The following DNAJC13 variants were observed in gnomAD, a reference collection of about 807,000 sequenced individuals.
DNAJC13 encodes DnaJ heat shock protein family (Hsp40) member C13, also known as dnaJ homolog subfamily C member 13.
In DNAJC13, 75 loss-of-function variants were observed where a neutral mutation model predicts 290.5. The ratio of observed to expected loss-of-function variants is 0.26; its 90% confidence interval spans 0.21 to 0.31. The LOEUF is 0.31. DNAJC13 is among the 10% of genes least tolerant of loss of function. The probability of loss-of-function intolerance (pLI) is 1.00; values close to 1 mark genes in which losing one functional copy is unlikely to be tolerated. For missense variants in DNAJC13, 2,260 were observed against 2,674.5 expected, an observed-to-expected ratio of 0.85 and a Z score of 3.42; for synonymous variants, 862 against 892.0, an observed-to-expected ratio of 0.97 and a Z score of 0.60.
intron 5 of DNAJC13, among the ~76,000 whole-genome samples, chr3:132,448,422 A>T (rs1446920302): frequency 6.6e-6 from 1 of 152,096 alleles, no homozygotes; most frequent in East Asian, 1.9e-4. Context: ...ACAGCTTTGG[A>T]GGAAGCTGTG....
chr3:132,488,000 A>G (rs1249779356), intron 29 of DNAJC13, among the ~76,000 whole-genome samples: 1 of 152,160 alleles, frequency 6.6e-6, no homozygotes, highest in Non-Finnish European at 1.5e-5. Context: ...CTTTTTAGGA[A>G]GATTCTTGCA....
rs570509571 is a variant in DNAJC13 at position 132,499,369 on chromosome 3, G to A, written c.4341+59G>A. The A allele has an allele frequency of 6.8e-5, 93 of 1,376,368 alleles. 3 individuals carry two copies. The South Asian group carries it at 1.3e-3, about 20-fold the overall frequency. The allele number at this position is 1,376,368 out of a possible 1,614,324, so 85.3% of individuals were successfully genotyped here. A position where few individuals can be genotyped will look rare whatever the true frequency, so the allele number is the denominator to read the frequency against. On this transcript the variant is annotated intron_variant, in intron 37 of 55. Coordinates refer to ENST00000260818, the MANE Select transcript of DNAJC13 (RefSeq NM_015268.4). ...AGTTTACACACATTATATGACTCTT[G>A]GCAGTGAAGAATTCAGCAAGTACAA...
Position 132,477,797 on chromosome 3 carries a change from T to C in DNAJC13, c.2454T>C (p.Tyr818=). The C allele has an allele frequency of 6.2e-7, 1 of 1,606,888 alleles. No individual in the cohort carries two copies. The highest frequency in any genetic ancestry group is 8.5e-7 in the Non-Finnish European group (1 of 1,177,764). Reference sequence around the variant, plus strand: ...TGCTTTTGTTTATGAAGGTTAAATATGAGTGCCTGGCAGAGGAAATTAAAA... The same window carrying C: ...TGCTTTTGTTTATGAAGGTTAAATACGAGTGCCTGGCAGAGGAAATTAAAA... ...SWNHHEFEVK[Y]ECLAEEIKIG... The change falls in exon 23 of 56, where the codon TAT becomes TAC. Residue 818 remains tyrosine, a synonymous_variant. Coordinates refer to ENST00000260818, the MANE Select transcript of DNAJC13 (RefSeq NM_015268.4).
At chr3:132,436,988 C>T (rs1415144578) in intron 2 of DNAJC13, among the ~76,000 whole-genome samples, 3 of 151,572 alleles carry the variant, frequency 2.0e-5, no homozygotes, top group Non-Finnish European at 4.4e-5. Flanking sequence ...AAGCAATTCT[C>T]CTGCCTCAGT....
At chr3:132,489,410 C>A (rs991122446) in intron 31 of DNAJC13, among the ~76,000 whole-genome samples, 1 of 151,772 alleles carries the variant, frequency 6.6e-6, no homozygotes, top group African/African-American at 2.4e-5. Context: ...CCCAAAGTGG[C>A]AGAAGTGCTA....
chr3:132,528,152 T>G, intron 53 of DNAJC13, 37 bp from the exon 54 acceptor site: 1 of 1,604,994 alleles, frequency 6.2e-7, no homozygotes, highest in Non-Finnish European at 8.5e-7. Flanking sequence ...ATTTGCATTT[T>G]TTCTGTGTGT....
chr3:132,421,115 TATA>T (rs537678244), intron 1 of DNAJC13, among the ~76,000 whole-genome samples: 6 of 152,214 alleles, frequency 3.9e-5, no homozygotes, highest in Non-Finnish European at 7.3e-5. Flanking sequence ...GAAAAAAAGT[TATA>T]AGATGGAGTG....
At chr3:132,502,010 T>C (rs1027646391) in intron 39 of DNAJC13, among the ~76,000 whole-genome samples, 2 of 152,168 alleles carry the variant, frequency 1.3e-5, no homozygotes, top group African/African-American at 4.8e-5. Context: ...TTTTAAAAAT[T>C]AAAAATACAA....
chr3:132,472,544 C>A, intron 20 of DNAJC13: 2 of 984,994 alleles, frequency 2.0e-6, no homozygotes, highest in Non-Finnish European at 2.4e-6. Flanking sequence ...TTCCTTTTTA[C>A]GATTAAATTC....
At chr3:132,420,044 A>C (rs973670899) in intron 1 of DNAJC13, among the ~76,000 whole-genome samples, 6 of 152,266 alleles carry the variant, frequency 3.9e-5, no homozygotes, top group African/African-American at 1.4e-4. Flanking sequence ...AGCTGAGTCC[A>C]CAGAGCAAAA....
chr3:132,460,240 T>TC lies in DNAJC13; in HGVS notation c.1450-9dup, dbSNP rs59932145. On this transcript the variant is annotated splice_polypyrimidine_tract_variant and intron_variant, in intron 13 of 55. Coordinates refer to ENST00000260818, the MANE Select transcript of DNAJC13 (RefSeq NM_015268.4). ...ATGAATTATCACTGTTTTTTTTTTT[T>TC]CATCAATAGCCCATGCATGATGACT... 5,151 of 1,552,658 alleles carry TC rather than the reference T, an allele frequency of 3.3e-3. 132 individuals are homozygous for TC. The African/African-American group carries it at 0.063, about 19-fold the overall frequency.
chr3:132,520,810 A>C (rs1936066704), intron 48 of DNAJC13, among the ~76,000 whole-genome samples: 1 of 152,238 alleles, frequency 6.6e-6, no homozygotes, highest in African/African-American at 2.4e-5. Context: ...ACTGGTCAAT[A>C]GATGATTTCT....
intron 32 of DNAJC13, 112 bp from the exon 33 acceptor site, chr3:132,492,302 A>G (rs1174979726): frequency 1.8e-6 from 2 of 1,134,104 alleles, no homozygotes; most frequent in Non-Finnish European, 2.5e-6. Flanking sequence ...TAGGATAATC[A>G]TTGAGTTATT....
chr3:132,444,777 T>G (rs1933190272), intron 2 of DNAJC13, among the ~76,000 whole-genome samples: 1 of 152,216 alleles, frequency 6.6e-6, no homozygotes, highest in Non-Finnish European at 1.5e-5. Flanking sequence ...GTTTTGAAAC[T>G]TTTAAGCTCT....
At chr3:132,439,458 C>T (rs1195499917) in intron 2 of DNAJC13, among the ~76,000 whole-genome samples, 13 of 150,114 alleles carry the variant, frequency 8.7e-5, no homozygotes, top group Admixed American at 6.6e-5. Flanking sequence ...TTTTTCCCCT[C>T]GCTCTTGACC....
chr3:132,471,354 C>CA (rs1339493892), intron 20 of DNAJC13, among the ~76,000 whole-genome samples: 15 of 144,862 alleles, frequency 1.0e-4, no homozygotes, highest in Admixed American at 1.0e-3. Flanking sequence ...GACCCCCCCC[C>CA]ACCTCCCTCC....
In DNAJC13 at chr3:132,500,652, A is replaced by G. The variant is rs139686927; in HGVS notation, c.4417-142A>G. ...TAATGAGAAAGACTAGTGATCTAGTAAAGACATTCTGTTTAATTTTGGAAC... is the reference window on the plus strand; with the variant it reads ...TAATGAGAAAGACTAGTGATCTAGTGAAGACATTCTGTTTAATTTTGGAAC... On this transcript the variant is annotated intron_variant, in intron 38 of 55. Coordinates refer to ENST00000260818, the MANE Select transcript of DNAJC13 (RefSeq NM_015268.4). 114 of 1,167,996 alleles carry G rather than the reference A, an allele frequency of 9.8e-5. No homozygotes were observed. In the East Asian group the frequency reaches 2.7e-3, roughly 27 times the overall value. The allele number at this position is 1,167,996 out of a possible 1,614,324, so 72.4% of individuals were successfully genotyped here.
intron 13 of DNAJC13, among the ~76,000 whole-genome samples, chr3:132,460,004 G>T (rs1933736886): frequency 6.6e-6 from 1 of 152,148 alleles, no homozygotes; most frequent in South Asian, 2.1e-4. Context: ...TGTGACTTTT[G>T]AGAGAGTACC....
intron 2 of DNAJC13, among the ~76,000 whole-genome samples, chr3:132,442,295 C>G (rs1933099602): frequency 6.6e-6 from 1 of 151,996 alleles, no homozygotes; most frequent in East Asian, 1.9e-4. Flanking sequence ...CTGCACCCGG[C>G]CACAAAAATT....
Sources: gnomAD v4.1 joint callset for allele counts (sites outside exome capture counted in the v4.1 genomes callset) on GRCh38, gnomAD v4.1.1 for gene constraint, MANE v1.5 for transcripts, NCBI Gene and HGNC (gene_info 2026-07-23, HGNC 2026-07-21) for gene names.